KIAA1217: variants seen among roughly 807,000 people sequenced by gnomAD.
The protein encoded by KIAA1217 is KIAA1217.
In KIAA1217, 88 loss-of-function variants were observed where a neutral mutation model predicts 163.9. The ratio of observed to expected loss-of-function variants is 0.54; its 90% confidence interval spans 0.45 to 0.64. KIAA1217 has a LOEUF of 0.64. Ranked by LOEUF, KIAA1217 falls within the 30% of genes least tolerant of loss-of-function variation. KIAA1217 has a pLI of 0.00. For missense variants in KIAA1217, 2,372 were observed against 2,475.0 expected (o/e 0.96, Z 0.88); for synonymous variants, 903 against 923.1 (o/e 0.98, Z 0.39).
intron 2 of KIAA1217, among the ~76,000 whole-genome samples, chr10:24,239,612 T>A (rs528765737): frequency 7.3e-5 from 11 of 151,328 alleles, no homozygotes; most frequent in African/African-American, 2.4e-4. Flanking sequence ...GTGCCACAGA[T>A]AAGGGTTAGA....
chr10:24,069,993 C>T (rs766487752), intron 2 of KIAA1217, among the ~76,000 whole-genome samples: 1 of 152,160 alleles, frequency 6.6e-6, no homozygotes, highest in Non-Finnish European at 1.5e-5. Flanking sequence ...GTACACACCA[C>T]CACAAATGGC....
At chr10:24,237,000 CAG>C (rs1374352981) in intron 2 of KIAA1217, among the ~76,000 whole-genome samples, 3 of 152,172 alleles carry the variant, frequency 2.0e-5, no homozygotes, top group African/African-American at 7.2e-5. Flanking sequence ...GAATTCAAGA[CAG>C]AGAGTCTTAT....
intron 2 of KIAA1217, among the ~76,000 whole-genome samples, chr10:24,071,412 G>A (rs1241704148): frequency 6.6e-6 from 1 of 151,870 alleles, no homozygotes; most frequent in Non-Finnish European, 1.5e-5. Flanking sequence ...CTTTCCATTT[G>A]TTCTTAAGTA....
intron 10 of KIAA1217, among the ~76,000 whole-genome samples, chr10:24,518,521 A>G (rs2070563539): frequency 6.6e-6 from 1 of 152,202 alleles, no homozygotes; most frequent in Non-Finnish European, 1.5e-5. Flanking sequence ...CAGCTCCTTG[A>G]AGTATTAATT....
At chr10:23,987,478 TCATTA>T (rs1418539739) in intron 1 of KIAA1217, among the ~76,000 whole-genome samples, 1 of 152,054 alleles carries the variant, frequency 6.6e-6, no homozygotes, top group Non-Finnish European at 1.5e-5. Flanking sequence ...TGTAATAATT[TCATTA>T]TTTATTCACT....
At chr10:24,118,420 A>G (rs1056743056) in intron 2 of KIAA1217, among the ~76,000 whole-genome samples, 3 of 152,226 alleles carry the variant, frequency 2.0e-5, no homozygotes, top group African/African-American at 7.2e-5. Flanking sequence ...GAGCGCCTTA[A>G]CAAGTCAATT....
intron 2 of KIAA1217, among the ~76,000 whole-genome samples, chr10:24,166,770 C>T (rs956624694): frequency 1.3e-5 from 2 of 152,064 alleles, no homozygotes; most frequent in Admixed American, 1.3e-4. Flanking sequence ...GGGCATAATT[C>T]AGATGTTCCT....
intron 1 of KIAA1217, among the ~76,000 whole-genome samples, chr10:23,894,767 A>G (rs1038417426): frequency 2.2e-4 from 33 of 150,644 alleles, no homozygotes; most frequent in Admixed American, 6.0e-4. Context: ...TAACCAAAAC[A>G]GCATGGTACT....
intron 2 of KIAA1217, among the ~76,000 whole-genome samples, chr10:24,336,158 C>G (rs564039740): frequency 2.6e-5 from 4 of 152,132 alleles, no homozygotes; most frequent in Admixed American, 1.3e-4. Context: ...AGGAGAATCT[C>G]GTGAACATGG....
chr10:24,349,202 G>C (rs1206106972), intron 2 of KIAA1217, among the ~76,000 whole-genome samples: 1 of 151,234 alleles, frequency 6.6e-6, no homozygotes, highest in South Asian at 2.1e-4. Flanking sequence ...GTTACACTGA[G>C]TGTTAATGGA....
chr10:24,190,621 G>A (rs2066673416), intron 2 of KIAA1217, among the ~76,000 whole-genome samples: 2 of 152,102 alleles, frequency 1.3e-5, no homozygotes, highest in Admixed American at 6.5e-5. Flanking sequence ...TATTTCCTGG[G>A]AGAACCCAGT....
At chr10:24,073,321 C>T (rs546526169) in intron 2 of KIAA1217, among the ~76,000 whole-genome samples, 6 of 152,024 alleles carry the variant, frequency 3.9e-5, no homozygotes, top group Non-Finnish European at 5.9e-5. Context: ...AGTAGCGAGC[C>T]GTTCACAGAG....
chr10:24,491,507 C>G (rs951216529), intron 6 of KIAA1217, among the ~76,000 whole-genome samples: 11 of 152,020 alleles, frequency 7.2e-5, no homozygotes, highest in Non-Finnish European at 1.5e-4. Flanking sequence ...CCAGGCTGGT[C>G]TCGAACTCTT....
At chr10:24,364,911 C>T (rs201272148) in intron 2 of KIAA1217, among the ~76,000 whole-genome samples, 1 of 152,120 alleles carries the variant, frequency 6.6e-6, no homozygotes, top group Admixed American at 6.5e-5. Flanking sequence ...CAGTCCTCCC[C>T]CCTCAGCCCC....
intron 2 of KIAA1217, among the ~76,000 whole-genome samples, chr10:24,328,638 A>G (rs2045261631): frequency 6.6e-6 from 1 of 152,094 alleles, no homozygotes; most frequent in African/African-American, 2.4e-5. Flanking sequence ...ATTGTTTTCA[A>G]ATTTTCAGGA....
At chr10:23,874,817 A>G (rs1472904197) in intron 1 of KIAA1217, among the ~76,000 whole-genome samples, 1 of 151,974 alleles carries the variant, frequency 6.6e-6, no homozygotes, top group Non-Finnish European at 1.5e-5. Context: ...CAGAAAGGGT[A>G]TTTGTCTTTT....
chr10:23,892,187 A>C (rs1841445465), intron 1 of KIAA1217, among the ~76,000 whole-genome samples: 2 of 151,990 alleles, frequency 1.3e-5, no homozygotes. Context: ...CATTAATCAA[A>C]ATTAAAAGAA....
intron 1 of KIAA1217, among the ~76,000 whole-genome samples, chr10:23,877,666 C>T (rs1474220220): frequency 6.6e-6 from 1 of 151,948 alleles, no homozygotes; most frequent in African/African-American, 2.4e-5. Flanking sequence ...CTTTAAAAAT[C>T]GGGAAGCCAA....
intron 3 of KIAA1217, among the ~76,000 whole-genome samples, chr10:24,395,217 T>C (rs2055557331): frequency 6.6e-6 from 1 of 152,140 alleles, no homozygotes; most frequent in Admixed American, 6.5e-5. Context: ...CCCCCATTCT[T>C]TGCTGTTCTT....
Sources: allele counts gnomAD v4.1 joint callset (sites outside exome capture counted in the v4.1 genomes callset), GRCh38; gene constraint gnomAD v4.1.1; transcripts MANE v1.5; gene names NCBI Gene and HGNC (gene_info 2026-07-23, HGNC 2026-07-21).